JPT2: variants seen among roughly 807,000 people sequenced by gnomAD.
The protein encoded by JPT2 is Jupiter microtubule associated homolog 2, also known as CRAMP_1 like.
Under a neutral mutation model 15.9 loss-of-function variants are expected in JPT2, and 9 were observed. The observed-to-expected ratio is 0.57, with a 90% CI of 0.34 to 0.99. The LOEUF (loss-of-function observed/expected upper bound fraction) is 0.99, where lower values mean the gene tolerates loss of function less well. Among genes scored for constraint, JPT2 ranks in the 50% least tolerant of loss-of-function variants. JPT2 has a pLI of 0.02. For missense variants in JPT2, 267 were observed against 252.1 expected, an observed-to-expected ratio of 1.06 and a Z score of -0.40; for synonymous variants, 95 against 91.7, an observed-to-expected ratio of 1.04 and a Z score of -0.21.
intron 3 of JPT2, among the ~76,000 whole-genome samples, chr16:1,696,875 A>T (rs897545217): frequency 2.0e-5 from 3 of 152,196 alleles, no homozygotes; most frequent in Non-Finnish European, 4.4e-5. Flanking sequence ...TGCTAGTGGG[A>T]TTGGAAGATG....
rs1219602319 is a variant in JPT2, at chr16:1,701,797, G to C, written c.*2799G>C. 1.6e-5 allele frequency: 3 copies of C among 193,146 alleles called. No homozygotes were observed. Among genetic ancestry groups the C allele is most frequent in the Non-Finnish European group, 3.3e-5 (3 of 90,190 alleles). The allele number at this position is 193,146 out of a possible 1,614,324, so 12.0% of individuals were successfully genotyped here. ...AGGTCTGTAGTCTTTGGGTCTTTGG[G>C]AGGCCAGGGTGGGAGGATCACTTGA... On this transcript the variant is annotated 3_prime_UTR_variant, in exon 5 of 5. Transcript: ENST00000248098.
chr16:1,693,829 G>A (rs2037122172), intron 3 of JPT2, among the ~76,000 whole-genome samples: 2 of 151,762 alleles, frequency 1.3e-5, no homozygotes, highest in South Asian at 4.2e-4. Flanking sequence ...TGGTGTCAGA[G>A]GACTTGGGGA....
intron 2 of JPT2, among the ~76,000 whole-genome samples, chr16:1,690,918 G>A (rs887619626): frequency 8.5e-5 from 13 of 152,228 alleles, no homozygotes; most frequent in Non-Finnish European, 1.5e-4. Flanking sequence ...CCAGTCCTGT[G>A]AGGGAGTTCT....
At chr16:1,686,949 A>G (rs2037071447) in intron 2 of JPT2, among the ~76,000 whole-genome samples, 1 of 152,162 alleles carries the variant, frequency 6.6e-6, no homozygotes, top group African/African-American at 2.4e-5. Context: ...TGTAGAGGAA[A>G]AAAAGCAGTA....
intron 1 of JPT2, chr16:1,683,668 C>A: frequency 9.9e-7 from 1 of 1,007,670 alleles, no homozygotes; most frequent in Non-Finnish European, 1.5e-6. Flanking sequence ...CTGAAGCACT[C>A]TCTGCCTTCC....
chr16:1,680,244 T>G, intron 1 of JPT2: 3 of 773,436 alleles, frequency 3.9e-6, no homozygotes, highest in Non-Finnish European at 4.7e-6. Flanking sequence ...GTTGTGTGCA[T>G]TTAGTACGTT....
intron 1 of JPT2, among the ~76,000 whole-genome samples, chr16:1,683,064 C>T (rs2037036527): frequency 6.6e-6 from 1 of 152,192 alleles, no homozygotes; most frequent in Non-Finnish European, 1.5e-5. Flanking sequence ...GCAAGCTCCG[C>T]CTCCCGGGTT....
At chr16:1,702,574 C>T (rs1044681117), downstream of JPT2, among the ~76,000 whole-genome samples, 2 of 152,244 alleles carry the variant, frequency 1.3e-5, no homozygotes, top group African/African-American at 4.8e-5. Flanking sequence ...TGTCAGGTAA[C>T]TTTGCCATAT....
At chr16:1,680,248 G>A (rs1027273647) in intron 1 of JPT2, 1 of 815,106 alleles carries the variant, frequency 1.2e-6, no homozygotes, top group East Asian at 1.2e-4. Context: ...TGTGCATTTA[G>A]TACGTTTCCT....
chr16:1,683,492 CT>C (rs1567468543), intron 1 of JPT2: 1 of 1,498,010 alleles, frequency 6.7e-7, no homozygotes, highest in Middle Eastern at 1.7e-4. Flanking sequence ...TTTTTTCTCC[CT>C]CCTCAAATCC....
chr16:1,679,073 A>G (rs886605211), intron 1 of JPT2, among the ~76,000 whole-genome samples: 5 of 152,234 alleles, frequency 3.3e-5, no homozygotes, highest in Admixed American at 1.3e-4. Flanking sequence ...CACTGAGCAC[A>G]CTTTTCTTAT....
In JPT2 at chr16:1,698,582, T is replaced by G. The variant is rs2037159033; in HGVS notation, c.386-229T>G. ...TCACTTAGGAAGAAATCAAGGAGTA[T>G]TTACAGTAGCAAGCCCCAACTTTAT... is the stretch of plus-strand genomic sequence containing the variant. On this transcript the variant is annotated intron_variant, in intron 4 of 4. Coordinates refer to ENST00000248098, the MANE Select transcript of JPT2 (RefSeq NM_144570.3). This position sits in a 1 kb window ranked among gnomAD's most constrained non-coding sequence, Gnocchi z 4.9. Among the ~76,000 whole-genome samples the G allele has an allele frequency of 6.6e-6, 1 of 152,158 alleles. No homozygotes were observed. The highest frequency in any genetic ancestry group is 1.5e-5 in the Non-Finnish European group (1 of 68,016).
rs951112099 is a variant in JPT2, at chr16:1,700,163, TCA to T, written c.*1168_*1169del. The stretch of plus-strand genomic sequence containing the variant: ...GCTTTATAGAACTTCTGGATCTAAC[TCA>T]CAAACAAGCTTCCAGAAGAGACTAG... On this transcript the variant is annotated 3_prime_UTR_variant, in exon 5 of 5. Transcript: ENST00000248098. The T allele has an allele frequency of 6.6e-6, 3 of 455,892 alleles. No homozygotes were observed. Among genetic ancestry groups the T allele is most frequent in the African/African-American group, 6.0e-5 (3 of 50,066 alleles). 28.2% of individuals were successfully genotyped at this position (455,892 alleles called of 1,614,324 possible).
chr16:1,697,068 A>G (rs1258546976), intron 3 of JPT2, among the ~76,000 whole-genome samples: 1 of 152,264 alleles, frequency 6.6e-6, no homozygotes, highest in Non-Finnish European at 1.5e-5. Context: ...CCATCAACAG[A>G]TGAATGGGTA....
chr16:1,682,502 T>A (rs769903138), intron 1 of JPT2, among the ~76,000 whole-genome samples: 19 of 151,926 alleles, frequency 1.3e-4, no homozygotes, highest in Non-Finnish European at 1.0e-4. Context: ...TGAAACCCCG[T>A]CTCTACTAAA....
At chr16:1,683,039 G>A (rs760586061) in intron 1 of JPT2, among the ~76,000 whole-genome samples, 2 of 152,038 alleles carry the variant, frequency 1.3e-5, no homozygotes, top group Non-Finnish European at 2.9e-5. Context: ...ATGCAGTGGC[G>A]CATCTTGGTT....
chr16:1,693,680 T>A (rs1310040244), intron 3 of JPT2, among the ~76,000 whole-genome samples: 1 of 151,998 alleles, frequency 6.6e-6, no homozygotes, highest in Non-Finnish European at 1.5e-5. Context: ...AATAAAGTTC[T>A]TTTGGTCCAG....
At chr16:1,693,977 G>C (rs1404818036) in intron 3 of JPT2, among the ~76,000 whole-genome samples, 2 of 152,048 alleles carry the variant, frequency 1.3e-5, no homozygotes, top group Non-Finnish European at 2.9e-5. Flanking sequence ...TGTAATTTAC[G>C]ACCTTGGGAG....
intron 1 of JPT2, chr16:1,683,648 C>A: frequency 7.9e-7 from 1 of 1,263,520 alleles, no homozygotes; most frequent in Non-Finnish European, 1.1e-6. Flanking sequence ...TGGGTCTCTG[C>A]AGGCGGAGAC....
Sources: gnomAD v4.1 joint callset for allele counts (sites outside exome capture counted in the v4.1 genomes callset) on GRCh38, gnomAD v4.1.1 for gene constraint, Gnocchi (gnomAD v3.1) non-coding constraint, MANE v1.5 for transcripts, NCBI Gene and HGNC (gene_info 2026-07-23, HGNC 2026-07-21) for gene names.